The following DCHS2 variants were observed in gnomAD, a reference collection of about 807,000 sequenced individuals.
DCHS2 encodes dachsous cadherin-related 2.
In DCHS2, 142 loss-of-function variants were observed where a neutral mutation model predicts 182.4. The ratio of observed to expected loss-of-function variants is 0.78; its 90% CI spans 0.68 to 0.89. DCHS2 has a LOEUF of 0.89. Among genes scored for constraint, DCHS2 ranks in the 40% least tolerant of loss-of-function variants. The pLI is 0.00. For synonymous variants in DCHS2, 1,740 were observed against 1,663.3 expected (o/e 1.05, Z -1.12); for missense variants, 4,319 against 4,198.6 (o/e 1.03, Z -0.79).
rs1579025431 is a variant in DCHS2 at position 154,378,495 on chromosome 4, G to GGAAGGAAGGAAGGAAGGAA, written c.2053-1052_2053-1051insTTCCTTCCTTCCTTCCTTC. ...AAGGAAAGAAGGAAGGAGGGAGGGA[G>GGAAGGAAGGAAGGAAGGAA]GGTGGGAAGGAAGGAAGGAAGGAAA... On this transcript the variant is annotated intron_variant, in intron 1 of 19. Transcript: ENST00000357232. 5.3e-4 allele frequency among the ~76,000 whole-genome samples: 24 copies of GGAAGGAAGGAAGGAAGGAA among 45,134 alleles called. No homozygotes were observed. In the Admixed American group the frequency reaches 5.9e-3, roughly 11 times the overall value. 29.6% of individuals were successfully genotyped at this position (45,134 alleles called of 152,430 possible).
At chr4:154,357,358 C>G (rs1729921642) in intron 3 of DCHS2, 2 of 1,397,462 alleles carry the variant, frequency 1.4e-6, no homozygotes, top group Middle Eastern at 1.8e-4. Context: ...CTGGTGGGAG[C>G]AGGGAAAAGC....
intron 3 of DCHS2, among the ~76,000 whole-genome samples, chr4:154,348,256 A>T (rs1302890624): frequency 6.6e-6 from 1 of 151,960 alleles, no homozygotes; most frequent in Non-Finnish European, 1.5e-5. Context: ...CCAACAACAG[A>T]CATAACACTA....
intron 1 of DCHS2, among the ~76,000 whole-genome samples, chr4:154,401,962 C>T (rs1344305262): frequency 3.3e-5 from 5 of 152,198 alleles, no homozygotes; most frequent in African/African-American, 1.2e-4. Flanking sequence ...CAACTTCACT[C>T]CAGCCTGGGC....
chr4:154,398,962 C>T (rs1422729851), intron 1 of DCHS2, among the ~76,000 whole-genome samples: 1 of 152,188 alleles, frequency 6.6e-6, no homozygotes, highest in East Asian at 1.9e-4. Context: ...TGCTCCCCAT[C>T]ACCCCCGCCT....
At chr4:154,431,051 C>T (rs1733537652) in intron 1 of DCHS2, among the ~76,000 whole-genome samples, 1 of 152,140 alleles carries the variant, frequency 6.6e-6, no homozygotes, top group Admixed American at 6.5e-5. Flanking sequence ...TCTTAGCTGT[C>T]TACATGTTTA....
intron 9 of DCHS2, among the ~76,000 whole-genome samples, chr4:154,318,568 C>A (rs1735942678): frequency 6.6e-6 from 1 of 151,848 alleles, no homozygotes; most frequent in South Asian, 2.1e-4. Context: ...AAGGAACTGT[C>A]TGAAAAGGAA....
chr4:154,342,051 G>T (rs1176157802), intron 3 of DCHS2, among the ~76,000 whole-genome samples: 2 of 152,052 alleles, frequency 1.3e-5, no homozygotes, highest in African/African-American at 4.8e-5. Context: ...CCAGACCACT[G>T]CAATAAAGCC....
chr4:154,459,268 C>T (rs1214249240), intron 1 of DCHS2, among the ~76,000 whole-genome samples: 1 of 151,940 alleles, frequency 6.6e-6, no homozygotes, highest in African/African-American at 2.4e-5. Flanking sequence ...GAGAATCTCT[C>T]GTTTAAAAAC....
intron 1 of DCHS2, among the ~76,000 whole-genome samples, chr4:154,381,963 G>A (rs1057190506): frequency 6.6e-6 from 1 of 152,052 alleles, no homozygotes; most frequent in African/African-American, 2.4e-5. Flanking sequence ...CTGAAAAAAT[G>A]CCCAAATAGT....
rs1487053216 is a variant in DCHS2 at position 154,359,588 on chromosome 4, C to T, written c.2476+6622G>A. 2.0e-5 allele frequency among the ~76,000 whole-genome samples: 3 copies of T among 151,908 alleles called. No individual in the cohort carries two copies. The East Asian group carries it at 5.8e-4, about 29-fold the overall frequency. On this transcript the variant is annotated intron_variant, in intron 3 of 19. Coordinates refer to ENST00000357232, the MANE Select transcript of DCHS2 (RefSeq NM_001358235.2). The stretch of plus-strand genomic sequence containing the variant: ...AACCAAAAGCTACAGGATATCAATA[C>T]CATTTTCTTCTTAGTTGTAGATATT...
At chr4:154,443,129 T>A (rs1410244685) in intron 1 of DCHS2, among the ~76,000 whole-genome samples, 5 of 152,130 alleles carry the variant, frequency 3.3e-5, no homozygotes, top group African/African-American at 1.2e-4. Context: ...TTATTTAAAT[T>A]CCATGGTCCA....
In DCHS2 at chr4:154,234,857, A is replaced by G; in HGVS notation, c.9795T>C (p.Pro3265=). 3 of 1,614,120 alleles carry G rather than the reference A, an allele frequency of 1.9e-6. No homozygotes were observed. Among genetic ancestry groups the G allele is most frequent in the Non-Finnish European group, 2.5e-6 (3 of 1,179,966 alleles). ...AKLKDEHLHM[P]GIPKEKKSFV... is the part of the protein sequence containing the mutation. ...AAGATTTCTTCTCTTTTGGAATGCC[A>G]GGCATATGCAAATGTTCATCCTTTA... Residue 3265 remains proline (P), a synonymous_variant, in exon 20 of 20, where the codon CCT becomes CCC. Coordinates refer to ENST00000357232, the MANE Select transcript of DCHS2 (RefSeq NM_001358235.2).
chr4:154,292,894 T>C (rs1734730445), intron 13 of DCHS2, among the ~76,000 whole-genome samples: 1 of 152,176 alleles, frequency 6.6e-6, no homozygotes, highest in African/African-American at 2.4e-5. Flanking sequence ...GCCCCTGCTC[T>C]ATATTAAATA....
rs369219219 is a variant in DCHS2, at chr4:154,333,148, G to A, written c.3060C>T (p.Ser1020=). Reference sequence around the variant, plus strand: ...CGATGGCAAAGACGCCTGGCTGCGGGCTGGCGATGGAGTACCGGATGAGTC... The same window carrying A: ...CGATGGCAAAGACGCCTGGCTGCGGACTGGCGATGGAGTACCGGATGAGTC... ...RNGLIRYSIA[S]PQPGVFAIDR... The change falls in exon 5 of 20, where the codon AGC becomes AGT. Residue 1020 remains serine, a synonymous_variant. Coordinates refer to ENST00000357232, the MANE Select transcript of DCHS2 (RefSeq NM_001358235.2). 2 of 1,614,026 alleles carry A rather than the reference G, an allele frequency of 1.2e-6. No homozygotes were observed. The highest frequency in any genetic ancestry group is 1.7e-6 in the Non-Finnish European group (2 of 1,180,042).
intron 13 of DCHS2, among the ~76,000 whole-genome samples, chr4:154,271,918 C>G (rs2111209236): frequency 6.6e-6 from 1 of 152,136 alleles, no homozygotes; most frequent in Non-Finnish European, 1.5e-5. Flanking sequence ...CCTCAAAATG[C>G]TTTCTTATGC....
In DCHS2 at chr4:154,491,481, G is replaced by T; in HGVS notation, c.-126C>A. 2.8e-6 allele frequency: 4 copies of T among 1,408,570 alleles called. No individual in the cohort carries two copies. The highest frequency in any genetic ancestry group is 3.7e-6 in the Non-Finnish European group (4 of 1,086,928). 87.3% of individuals were successfully genotyped at this position (1,408,570 alleles called of 1,614,324 possible). The stretch of plus-strand genomic sequence containing the variant: ...AAAGACTTTGTTTGGCAAACAAACC[G>T]ACGGCCCAGGAATTCCCGAGGTTAC... On this transcript the variant is annotated 5_prime_UTR_variant, in exon 1 of 20. Transcript: ENST00000357232.
At chr4:154,303,149 T>C (rs2111295625) in intron 12 of DCHS2, among the ~76,000 whole-genome samples, 1 of 151,794 alleles carries the variant, frequency 6.6e-6, no homozygotes, top group East Asian at 2.0e-4. Context: ...ACCCAGCTAA[T>C]TTTTGTATTT....
chr4:154,420,228 C>T (rs541498398), intron 1 of DCHS2, among the ~76,000 whole-genome samples: 3 of 139,712 alleles, frequency 2.1e-5, no homozygotes, highest in African/African-American at 7.8e-5. Context: ...GAAACAGAAC[C>T]GATGGGAGAC....
chr4:154,236,881 T>G lies in DCHS2; in HGVS notation c.7771A>C (p.Ser2591Arg). 6.2e-7 allele frequency: 1 copy of G among 1,614,110 alleles called. No individual in the cohort carries two copies. The highest frequency in any genetic ancestry group is 8.5e-7 in the Non-Finnish European group (1 of 1,179,974). ...ENTYVEYSII[S>R]GNSQNNFHVE... ...TGAAAATTGTTCTGTGAATTACCACTGATGATGGAATATTCAACATATGTG... is the reference window on the plus strand; with the variant it reads ...TGAAAATTGTTCTGTGAATTACCACGGATGATGGAATATTCAACATATGTG... Residue 2591 changes from serine (S) to arginine (R), a missense_variant, in exon 20 of 20, where the codon AGT becomes CGT. Physicochemically the swap from Ser to Arg is moderately radical, Grantham distance 110. Transcript: ENST00000357232.
Sources: gnomAD v4.1 joint callset for allele counts (sites outside exome capture counted in the v4.1 genomes callset) on GRCh38, gnomAD v4.1.1 for gene constraint, MANE v1.5 for transcripts, NCBI Gene and HGNC (gene_info 2026-07-23, HGNC 2026-07-21) for gene names.